Variants in GLIS1 observed in about 807,000 individuals in gnomAD.
GLIS1 encodes the protein zinc finger protein GLIS1.
In GLIS1, 24 loss-of-function variants were observed where a neutral mutation model predicts 63.8. That is an observed-to-expected ratio of 0.38 (90% CI 0.27 to 0.53). The LOEUF (loss-of-function observed/expected upper bound fraction) is 0.53. Ranked by LOEUF, GLIS1 falls within the 20% of genes least tolerant of loss-of-function variation. The pLI is 0.85. For missense variants in GLIS1, 1,036 were observed against 1,074.1 expected, an observed-to-expected ratio of 0.96 and a Z score of 0.50; for synonymous variants, 450 against 482.5, an observed-to-expected ratio of 0.93 and a Z score of 0.88.
intron 2 of GLIS1, among the ~76,000 whole-genome samples, chr1:53,617,802 TAAG>T (rs1226987946): frequency 6.6e-6 from 1 of 152,246 alleles, no homozygotes; most frequent in East Asian, 1.9e-4. Context: ...AAGGCCCTGT[TAAG>T]AAAAGGAAGC....
chr1:53,586,383 G>A (rs1645135037), intron 4 of GLIS1, among the ~76,000 whole-genome samples: 1 of 152,166 alleles, frequency 6.6e-6, no homozygotes. Flanking sequence ...GCCAAGCGAC[G>A]CATCCAAGGT....
chr1:53,513,681 TC>T (rs1006024116), intron 8 of GLIS1, among the ~76,000 whole-genome samples: 212 of 152,250 alleles, frequency 1.4e-3, no homozygotes, highest in African/African-American at 4.9e-3. Flanking sequence ...AGTAAGCATC[TC>T]CAGGGCCAGA....
At chr1:53,532,293 C>T (rs1644539587) in intron 4 of GLIS1, among the ~76,000 whole-genome samples, 2 of 152,184 alleles carry the variant, frequency 1.3e-5, no homozygotes, top group African/African-American at 2.4e-5. Context: ...CCATCCAGGG[C>T]AGAGGTGGCA....
chr1:53,578,157 A>C (rs1269837342), intron 4 of GLIS1, among the ~76,000 whole-genome samples: 1 of 152,214 alleles, frequency 6.6e-6, no homozygotes, highest in Non-Finnish European at 1.5e-5. Context: ...TAATAGACTC[A>C]GACTTGAAGT....
intron 2 of GLIS1, among the ~76,000 whole-genome samples, chr1:53,613,988 T>C (rs1645452039): frequency 6.6e-6 from 1 of 152,230 alleles, no homozygotes; most frequent in African/African-American, 2.4e-5. Flanking sequence ...GAATTAATTA[T>C]AAGCGCAGGA....
At chr1:53,525,124 C>A (rs1479289760) in intron 5 of GLIS1, among the ~76,000 whole-genome samples, 2 of 152,166 alleles carry the variant, frequency 1.3e-5, no homozygotes, top group African/African-American at 4.8e-5. Context: ...CCTCTCCTCT[C>A]TGAGTCTCAC....
rs775622252 is a variant in GLIS1 at position 53,534,021 on chromosome 1, C to T, written c.1321-4069G>A. 7.2e-5 allele frequency among the ~76,000 whole-genome samples: 11 copies of T among 152,166 alleles called. No homozygotes were observed. In the East Asian group the frequency reaches 1.2e-3, roughly 16 times the overall value. On this transcript the variant is annotated intron_variant, in intron 4 of 10. Coordinates refer to ENST00000628545, the MANE Select transcript of GLIS1 (RefSeq NM_001367484.1). ...CACGGACCCTGGTGTAGACCCAGCC[C>T]AGGGGGAGCTCTCTGGGTCCCGGGA... is the stretch of plus-strand genomic sequence containing the variant.
intron 2 of GLIS1, among the ~76,000 whole-genome samples, chr1:53,616,119 T>C (rs931553409): frequency 6.6e-6 from 1 of 152,178 alleles, no homozygotes; most frequent in East Asian, 1.9e-4. Context: ...CCCACAAATC[T>C]GTCATGAGGA....
intron 7 of GLIS1, among the ~76,000 whole-genome samples, chr1:53,517,586 C>T (rs1644365261): frequency 6.6e-6 from 1 of 151,588 alleles, no homozygotes; most frequent in Non-Finnish European, 1.5e-5. Context: ...CCTCACTGCC[C>T]ATCACATTAC....
At chr1:53,556,979 C>T (rs559469022) in intron 4 of GLIS1, among the ~76,000 whole-genome samples, 4 of 149,028 alleles carry the variant, frequency 2.7e-5, no homozygotes, top group Non-Finnish European at 4.5e-5. Flanking sequence ...TGTGTGTGTG[C>T]AGATGTGTGT....
chr1:53,716,283 G>C (rs541256578), intron 2 of GLIS1, among the ~76,000 whole-genome samples: 2 of 152,302 alleles, frequency 1.3e-5, no homozygotes, highest in African/African-American at 4.8e-5. Context: ...GAGAACAACA[G>C]GGGGAGAGGG....
intron 2 of GLIS1, among the ~76,000 whole-genome samples, chr1:53,651,305 A>C (rs191399794): frequency 6.6e-5 from 10 of 152,336 alleles, no homozygotes; most frequent in Admixed American, 2.6e-4. Context: ...TTCAATGAAA[A>C]CTATTAAGCA....
At chr1:53,733,948 A>G in intron 2 of GLIS1, 1 of 985,404 alleles carries the variant, frequency 1.0e-6, no homozygotes, top group African/African-American at 1.7e-5. Flanking sequence ...TCCCCAGAAC[A>G]TCACAGGAGC....
At chr1:53,684,430 C>G (rs1646308931) in intron 2 of GLIS1, among the ~76,000 whole-genome samples, 1 of 152,146 alleles carries the variant, frequency 6.6e-6, no homozygotes, top group Admixed American at 6.5e-5. Flanking sequence ...GTGGTCAGGA[C>G]CAGCCTGGGG....
chr1:53,599,639 C>T (rs1373168942), intron 3 of GLIS1, among the ~76,000 whole-genome samples: 1 of 152,266 alleles, frequency 6.6e-6, no homozygotes, highest in African/African-American at 2.4e-5. Flanking sequence ...AGTGCACACC[C>T]TAATGAGACA....
intron 2 of GLIS1, among the ~76,000 whole-genome samples, chr1:53,615,898 G>A (rs1237301192): frequency 2.0e-5 from 3 of 151,886 alleles, no homozygotes; most frequent in Non-Finnish European, 2.9e-5. Context: ...ACAGGCGTGC[G>A]CAACCACACC....
At chr1:53,608,388 CA>C (rs1645393351) in intron 2 of GLIS1, among the ~76,000 whole-genome samples, 1 of 152,214 alleles carries the variant, frequency 6.6e-6, no homozygotes, top group South Asian at 2.1e-4. Context: ...GTTAGGGTTT[CA>C]ACATATGAAT....
chr1:53,700,485 T>A (rs112327478), intron 2 of GLIS1, among the ~76,000 whole-genome samples: 1 of 151,568 alleles, frequency 6.6e-6, no homozygotes, highest in African/African-American at 2.4e-5. Context: ...CATGAACAAA[T>A]GCATGGCCTC....
chr1:53,737,529 T>C (rs1646923255), intron 2 of GLIS1, among the ~76,000 whole-genome samples: 1 of 152,332 alleles, frequency 6.6e-6, no homozygotes, highest in African/African-American at 2.4e-5. Flanking sequence ...TTTGACAAGT[T>C]TCTATGCAAG....
Sources: allele counts gnomAD v4.1 joint callset (sites outside exome capture counted in the v4.1 genomes callset), GRCh38; gene constraint gnomAD v4.1.1; transcripts MANE v1.5; gene names NCBI Gene and HGNC (gene_info 2026-07-23, HGNC 2026-07-21).